BRCA2: variants seen among roughly 807,000 people sequenced by gnomAD.
BRCA2 encodes the protein BRCA2 DNA repair associated.
A neutral mutation model predicts 276.7 loss-of-function variants in BRCA2; 203 were observed. The ratio of observed to expected loss-of-function variants is 0.73; its 90% CI spans 0.65 to 0.82. BRCA2 has a LOEUF of 0.82. Among genes scored for constraint, BRCA2 ranks in the 40% least tolerant of loss-of-function variants. The pLI, the probability that BRCA2 is intolerant of heterozygous loss-of-function variation, is 0.00. For synonymous variants in BRCA2, 1,289 were observed against 1,338.4 expected (o/e 0.96, Z 0.81); for missense variants, 3,920 against 3,915.0 (o/e 1.00, Z -0.03).
rs45619134 is a variant in BRCA2 at position 32,336,839 on chromosome 13, T to C, written c.2484T>C (p.Tyr828=). 3.5e-5 allele frequency: 56 copies of C among 1,603,914 alleles called. No homozygotes were observed. The highest frequency in any genetic ancestry group is 8.7e-5 in the Admixed American group (5 of 57,300). The change falls in exon 11 of 27, where the codon TAT becomes TAC. Residue 828 remains tyrosine, a synonymous_variant. Coordinates refer to ENST00000380152, the MANE Select transcript of BRCA2 (RefSeq NM_000059.4). ...ATGTATGTGCTTTAAATGAAAATTA[T>C]AAAAACGTTGAGCTGTTGCCACCTG... ...NQDVCALNEN[Y]KNVELLPPEK... is the part of the protein sequence containing the mutation.
At chr13:32,382,351 T>G (rs1224226285) in intron 24 of BRCA2, among the ~76,000 whole-genome samples, 3 of 152,172 alleles carry the variant, frequency 2.0e-5, no homozygotes, top group Non-Finnish European at 4.4e-5. Context: ...GATTGAAGCC[T>G]TTTATACTTA....
rs1294850148 is a variant in BRCA2, at chr13:32,339,149, C to G, written c.4794C>G (p.Leu1598=). ...APKCKEMQNS[L]NNDKNLVSIE... ...AGTGTAAAGAAATGCAGAATTCTCT[C>G]AATAATGATAAAAACCTTGTTTCTA... The change falls in exon 11 of 27, where the codon CTC becomes CTG. Residue 1598 remains leucine (L), a synonymous_variant. Transcript: ENST00000380152. 1.9e-6 allele frequency: 3 copies of G among 1,613,900 alleles called. No homozygotes were observed. The highest frequency in any genetic ancestry group is 1.7e-4 in the Middle Eastern group (1 of 6,060).
rs1555288473 is a variant in BRCA2 at position 32,379,845 on chromosome 13, A to G, written c.9049A>G (p.Lys3017Glu). ...TTATCATCTTGCAACTTCAAAATCTAAAAGTAAATCTGAAAGAGCTAACAT... is the reference window on the plus strand; with the variant it reads ...TTATCATCTTGCAACTTCAAAATCTGAAAGTAAATCTGAAAGAGCTAACAT... ...RIYHLATSKSKSKSERANIQL... is the reference protein window; with the variant it reads ...RIYHLATSKSESKSERANIQL... The change falls in exon 23 of 27, where the codon AAA becomes GAA. Residue 3017 changes from lysine (K) to glutamate (E), a missense_variant. Physicochemically the swap from Lys to Glu is moderately conservative, Grantham distance 56. This residue lies in a region of BRCA2 where 657 missense variants were observed against 758.2 expected (regional missense o/e 0.87). Coordinates refer to ENST00000380152, the MANE Select transcript of BRCA2 (RefSeq NM_000059.4). The G allele has an allele frequency of 6.2e-7, 1 of 1,613,758 alleles. No individual in the cohort carries two copies. The highest frequency in any genetic ancestry group is 1.1e-5 in the South Asian group (1 of 91,044).
chr13:32,341,199 A>G lies in BRCA2; in HGVS notation c.6841+3A>G. ...AGGAGAGCCCCTTATCTTAGTGGGT[A>G]AGTGTTCATTTTTACCTTTCGTGTT... On this transcript the variant is annotated splice_donor_region_variant and intron_variant, in intron 11 of 26. Transcript: ENST00000380152. 1 of 1,613,858 alleles carries G rather than the reference A, an allele frequency of 6.2e-7. No homozygotes were observed. The highest frequency in any genetic ancestry group is 8.5e-7 in the Non-Finnish European group (1 of 1,179,894).
At position 32,337,050 on chromosome 13, in the gene BRCA2, A is replaced by G. The variant is rs564197624; in HGVS notation, c.2695A>G (p.Asn899Asp). Residue 899 changes from asparagine (N) to aspartate (D), a missense_variant, in exon 11 of 27, where the codon AAT becomes GAT. Physicochemically the swap from Asn to Asp is conservative, Grantham distance 23 (BLOSUM62 1). Coordinates refer to ENST00000380152, the MANE Select transcript of BRCA2 (RefSeq NM_000059.4). Reference protein sequence around the residue: ...NFVFQVANERNNLALGNTKEL... With the variant: ...NFVFQVANERDNLALGNTKEL... ...TGTCTTCCAAGTAGCTAATGAAAGGAATAATCTTGCTTTAGGAAATACTAA... is the reference window on the plus strand; with the variant it reads ...TGTCTTCCAAGTAGCTAATGAAAGGGATAATCTTGCTTTAGGAAATACTAA... 2 of 1,604,294 alleles carry G rather than the reference A, an allele frequency of 1.2e-6. No individual in the cohort carries two copies. The highest frequency in any genetic ancestry group is 1.3e-5 in the African/African-American group (1 of 74,420).
chr13:32,395,072 A>G, intron 25 of BRCA2, 139 bp downstream of exon 25: 2 of 1,223,146 alleles, frequency 1.6e-6, no homozygotes, highest in Non-Finnish European at 2.3e-6. Context: ...TTAATTGCCC[A>G]TGAACCTCAG....
chr13:32,344,731 C>A (rs1239134504), intron 12 of BRCA2, 78 bp downstream of exon 12: 1 of 1,035,156 alleles, frequency 9.7e-7, no homozygotes, highest in East Asian at 2.5e-5. Context: ...GGTGATCCAC[C>A]TGCCTCTCAA....
rs566279132 is a variant in BRCA2 at position 32,386,596 on chromosome 13, A to G, written c.9256+6451A>G. Among the ~76,000 whole-genome samples the G allele has an allele frequency of 6.3e-3, 589 of 93,914 alleles. 3 individuals carry two copies. The highest frequency in any genetic ancestry group is 0.013 in the South Asian group (38 of 2,978). The allele number at this position is 93,914 out of a possible 152,430, so 61.6% of individuals were successfully genotyped here. ...ACCATTTGTATGAAGCAGAAAAAAA[A>G]TGTTAGGTAGATTTGTAGGAAACAA... On this transcript the variant is annotated intron_variant, in intron 24 of 26. Coordinates refer to ENST00000380152, the MANE Select transcript of BRCA2 (RefSeq NM_000059.4).
In BRCA2 at chr13:32,340,536, G is replaced by C. The variant is rs1555284585; in HGVS notation, c.6181G>C (p.Ala2061Pro). ...NSSAFSGFST[A>P]SGKQVSILES... ...ATCTGCTTTCTCTGGATTTAGTACAGCAAGTGGAAAGCAAGTTTCCATTTT... is the reference window on the plus strand; with the variant it reads ...ATCTGCTTTCTCTGGATTTAGTACACCAAGTGGAAAGCAAGTTTCCATTTT... Residue 2061 changes from alanine to proline, a missense_variant, in exon 11 of 27, where the codon GCA (alanine) becomes CCA (proline). Transcript: ENST00000380152. 6.2e-7 allele frequency: 1 copy of C among 1,613,100 alleles called. No homozygotes were observed. Among genetic ancestry groups the C allele is most frequent in the South Asian group, 1.1e-5 (1 of 90,922 alleles).
At chr13:32,348,661 C>T (rs1331420269) in intron 13 of BRCA2, among the ~76,000 whole-genome samples, 2 of 151,984 alleles carry the variant, frequency 1.3e-5, no homozygotes, top group African/African-American at 4.8e-5. Context: ...GCGCTTTTCT[C>T]AGGAAACTAA....
chr13:32,349,216 C>CAAAAAAAA (rs55777417), intron 13 of BRCA2, among the ~76,000 whole-genome samples: 1 of 98,196 alleles, frequency 1.0e-5, no homozygotes, highest in Non-Finnish European at 2.0e-5. Context: ...GACTCTGTCT[C>CAAAAAAAA]AAAAAAAAAA....
chr13:32,392,549 C>T (rs370835214), intron 24 of BRCA2, among the ~76,000 whole-genome samples: 3 of 151,022 alleles, frequency 2.0e-5, no homozygotes, highest in African/African-American at 7.3e-5. Context: ...AAGATTGCAC[C>T]ACTGCACCCT....
intron 13 of BRCA2, 93 bp downstream of exon 13, chr13:32,346,989 G>C: frequency 1.1e-6 from 1 of 935,188 alleles, no homozygotes; most frequent in Non-Finnish European, 1.6e-6. Context: ...TGACACTAAC[G>C]TTAAGAAGTT....
intron 14 of BRCA2, 66 bp from the exon 15 acceptor site, chr13:32,356,362 G>T (rs1226212139): frequency 4.6e-6 from 7 of 1,519,070 alleles, no homozygotes; most frequent in Non-Finnish European, 5.5e-6. Context: ...GAGCCACTGT[G>T]CCTGGCCAGG....
intron 24 of BRCA2, among the ~76,000 whole-genome samples, chr13:32,384,064 A>G (rs1878308242): frequency 6.6e-6 from 1 of 152,224 alleles, no homozygotes; most frequent in Admixed American, 6.5e-5. Flanking sequence ...CAAGGAATGA[A>G]AGGCAATGAG....
intron 13 of BRCA2, among the ~76,000 whole-genome samples, chr13:32,353,852 T>C (rs957175254): frequency 6.6e-6 from 1 of 152,192 alleles, no homozygotes. Flanking sequence ...TTTGGACATG[T>C]TGAGTTTGAA....
At chr13:32,344,475 T>C (rs2072595904) in intron 11 of BRCA2, 83 bp from the exon 12 acceptor site, 2 of 875,998 alleles carry the variant, frequency 2.3e-6, no homozygotes, top group Non-Finnish European at 1.8e-6. Flanking sequence ...ATACTTTAGC[T>C]TTAAAAAAAT....
chr13:32,383,081 G>A (rs763650725), intron 24 of BRCA2, among the ~76,000 whole-genome samples: 4 of 100,384 alleles, frequency 4.0e-5, no homozygotes, highest in Admixed American at 3.7e-4. Context: ...AGAAAAGGGG[G>A]CCAGGCGCGG....
intron 2 of BRCA2, among the ~76,000 whole-genome samples, chr13:32,318,351 G>T (rs557619359): frequency 6.6e-6 from 1 of 152,070 alleles, no homozygotes; most frequent in Non-Finnish European, 1.5e-5. Flanking sequence ...TTATGTGAGA[G>T]TCCACATGTT....
Sources: gnomAD v4.1 joint callset for allele counts (sites outside exome capture counted in the v4.1 genomes callset) on GRCh38, gnomAD v4.1.1 for gene constraint, gnomAD v4.1.1 regional missense constraint, MANE v1.5 for transcripts, NCBI Gene and HGNC (gene_info 2026-07-23, HGNC 2026-07-21) for gene names.